The following SLIT3 variants were observed in gnomAD, a reference collection of about 807,000 sequenced individuals.
The protein encoded by SLIT3 is slit homolog 3 protein.
In SLIT3, 68 loss-of-function variants were observed where a neutral mutation model predicts 184.0. That is an observed-to-expected ratio of 0.37 (90% CI 0.30 to 0.45). SLIT3 has a LOEUF of 0.45. Ranked by LOEUF, SLIT3 falls within the 20% of genes least tolerant of loss-of-function variation. SLIT3 has a pLI of 1.00. For missense variants in SLIT3, 1,707 were observed against 2,026.0 expected (o/e 0.84, Z 3.02); for synonymous variants, 831 against 828.6 (o/e 1.00, Z -0.05).
chr5:168,842,619 ACTGT>A (rs544216329), intron 6 of SLIT3, among the ~76,000 whole-genome samples: 2 of 152,052 alleles, frequency 1.3e-5, no homozygotes, highest in African/African-American at 2.4e-5. Context: ...TAGTACATAC[ACTGT>A]CTGTTTTTAA....
Position 168,759,257 on chromosome 5 carries a change from T to A in SLIT3, c.1685+1605A>T, listed in dbSNP as rs935565998. Among the ~76,000 whole-genome samples the A allele has an allele frequency of 4.6e-5, 7 of 152,298 alleles. 1 individual carries two copies. The highest frequency in any genetic ancestry group is 1.7e-4 in the African/African-American group (7 of 41,566). ...CATTGCTCTTAGGGAAATACAAGAT[T>A]AGGGTCCTGCGAGCCTCTGGTCTCC... is the stretch of plus-strand genomic sequence containing the variant. On this transcript the variant is annotated intron_variant, in intron 16 of 35. Coordinates refer to ENST00000519560, the MANE Select transcript of SLIT3 (RefSeq NM_003062.4).
chr5:168,884,297 G>C (rs191754128), intron 4 of SLIT3, among the ~76,000 whole-genome samples: 1 of 151,002 alleles, frequency 6.6e-6, no homozygotes, highest in Non-Finnish European at 1.5e-5. Context: ...GGCTGTTCCC[G>C]CACAGCCACA....
intron 4 of SLIT3, among the ~76,000 whole-genome samples, chr5:168,999,055 A>G (rs1175982752): frequency 6.6e-6 from 1 of 152,118 alleles, no homozygotes; most frequent in Non-Finnish European, 1.5e-5. Context: ...CTGGGATTAC[A>G]GGTGTGCACC....
At chr5:168,675,499 G>C (rs892179832) in intron 32 of SLIT3, among the ~76,000 whole-genome samples, 1 of 152,192 alleles carries the variant, frequency 6.6e-6, no homozygotes, top group African/African-American at 2.4e-5. Context: ...TTCCTCATCT[G>C]TAAAAGGGGG....
At position 168,727,285 on chromosome 5, in the gene SLIT3, A is replaced by C. The variant is rs147576429; in HGVS notation, c.2271-2801T>G. Among the ~76,000 whole-genome samples, 829 of 152,296 alleles carry C rather than the reference A, an allele frequency of 5.4e-3. 9 individuals carry two copies. The highest frequency in any genetic ancestry group is 0.019 in the African/African-American group (779 of 41,558). On this transcript the variant is annotated intron_variant, in intron 20 of 35. Transcript: ENST00000519560. ...CAGTGAGCTGAGATGGTGCCACTGC[A>C]CTCTAGCCTGGGCAACACAGTGAGA...
intron 4 of SLIT3, among the ~76,000 whole-genome samples, chr5:168,901,255 T>C (rs1561996162): frequency 6.6e-6 from 1 of 151,982 alleles, no homozygotes; most frequent in African/African-American, 2.4e-5. Context: ...TCCCAGCTAC[T>C]CGGGAGGCTG....
chr5:168,870,202 C>T lies in SLIT3; in HGVS notation c.485+13063G>A, dbSNP rs1759462757. Among the ~76,000 whole-genome samples, 4 of 152,246 alleles carry T rather than the reference C, an allele frequency of 2.6e-5. No homozygotes were observed. The South Asian group carries it at 8.3e-4, about 32-fold the overall frequency. On this transcript the variant is annotated intron_variant, in intron 5 of 35. Coordinates refer to ENST00000519560, the MANE Select transcript of SLIT3 (RefSeq NM_003062.4). ...TTCATCTAGCAAATATTTTTGATGA[C>T]TGGCTCACGATGTCTTCACATGAGT... is the stretch of plus-strand genomic sequence containing the variant.
chr5:169,233,023 T>TGC (rs1765061332), intron 3 of SLIT3, among the ~76,000 whole-genome samples: 1 of 149,486 alleles, frequency 6.7e-6, no homozygotes, highest in African/African-American at 2.5e-5. Context: ...CTGGTATATA[T>TGC]ACACATATAT....
At chr5:168,933,451 G>A (rs917340735) in intron 4 of SLIT3, among the ~76,000 whole-genome samples, 1 of 152,112 alleles carries the variant, frequency 6.6e-6, no homozygotes, top group Non-Finnish European at 1.5e-5. Context: ...CTGAGACAGG[G>A]GAATTGCTTG....
At chr5:168,910,118 T>C (rs11134550) in intron 4 of SLIT3, among the ~76,000 whole-genome samples, 52,877 of 152,068 alleles carry the variant, frequency 0.35, 10,189 homozygotes, top group East Asian at 0.56. Context: ...CTTAAAAGAA[T>C]TGTCTTCTCC....
At chr5:169,038,601 C>T (rs2113552779) in intron 4 of SLIT3, among the ~76,000 whole-genome samples, 1 of 152,286 alleles carries the variant, frequency 6.6e-6, no homozygotes, top group East Asian at 1.9e-4. Context: ...GTGCTCCATG[C>T]TGTAATTCTC....
chr5:169,171,608 C>T (rs1026224437), intron 4 of SLIT3, among the ~76,000 whole-genome samples: 12 of 152,200 alleles, frequency 7.9e-5, no homozygotes, highest in African/African-American at 2.9e-4. Flanking sequence ...TGGAGGTACA[C>T]AGATTAGACC....
chr5:168,923,867 A>T (rs1403773030), intron 4 of SLIT3, among the ~76,000 whole-genome samples: 1 of 152,244 alleles, frequency 6.6e-6, no homozygotes, highest in Non-Finnish European at 1.5e-5. Flanking sequence ...GGCATTGGCA[A>T]ACTATGGCCT....
chr5:169,102,372 G>A (rs752496158), intron 4 of SLIT3, among the ~76,000 whole-genome samples: 4 of 152,038 alleles, frequency 2.6e-5, no homozygotes, highest in Non-Finnish European at 5.9e-5. Flanking sequence ...AGTACCTGTG[G>A]GGGATTGGTT....
chr5:169,090,625 G>T (rs1304282408), intron 4 of SLIT3, among the ~76,000 whole-genome samples: 1 of 152,210 alleles, frequency 6.6e-6, no homozygotes, highest in Non-Finnish European at 1.5e-5. Context: ...TATGACAAAA[G>T]ATGTGACTAA....
chr5:168,921,062 C>T (rs1055935455), intron 4 of SLIT3, among the ~76,000 whole-genome samples: 3 of 152,054 alleles, frequency 2.0e-5, no homozygotes, highest in Admixed American at 6.6e-5. Flanking sequence ...TTGTGGGTCT[C>T]GGATTTAAAA....
intron 14 of SLIT3, among the ~76,000 whole-genome samples, chr5:168,769,780 G>A (rs189407672): frequency 1.3e-5 from 2 of 152,264 alleles, no homozygotes; most frequent in Admixed American, 1.3e-4. Flanking sequence ...GAAATGGAGG[G>A]ATTTGTAGGT....
intron 4 of SLIT3, among the ~76,000 whole-genome samples, chr5:168,939,117 A>C (rs1762253579): frequency 1.3e-5 from 2 of 152,324 alleles, no homozygotes; most frequent in Non-Finnish European, 1.5e-5. Context: ...GGAACCGGAA[A>C]CACAGACTAA....
chr5:168,918,445 G>T (rs1212281686), intron 4 of SLIT3, among the ~76,000 whole-genome samples: 1 of 152,204 alleles, frequency 6.6e-6, no homozygotes, highest in Non-Finnish European at 1.5e-5. Flanking sequence ...AGGGAAGTTG[G>T]TATGTCAGTT....
Sources: gnomAD v4.1 joint callset for allele counts (sites outside exome capture counted in the v4.1 genomes callset) on GRCh38, gnomAD v4.1.1 for gene constraint, MANE v1.5 for transcripts, NCBI Gene and HGNC (gene_info 2026-07-23, HGNC 2026-07-21) for gene names.